The following ANO3 variants were observed in gnomAD, a reference collection of about 807,000 sequenced individuals.
The protein encoded by ANO3 is anoctamin-3.
In ANO3, 99 loss-of-function variants were observed where a neutral mutation model predicts 144.8. That is an observed-to-expected ratio of 0.68 (90% CI 0.58 to 0.81). The LOEUF is 0.81. Among genes scored for constraint, ANO3 ranks in the 30% least tolerant of loss-of-function variants. ANO3 has a pLI of 0.00. For synonymous variants in ANO3, 414 were observed against 392.6 expected (o/e 1.05, Z -0.64); for missense variants, 905 against 1,202.2 (o/e 0.75, Z 3.66).
chr11:26,585,788 C>T (rs1305765334), intron 14 of ANO3, among the ~76,000 whole-genome samples: 2 of 152,154 alleles, frequency 1.3e-5, no homozygotes, highest in Non-Finnish European at 2.9e-5. Context: ...CCTCTCAGTA[C>T]TCCAAATTTC....
At chr11:26,445,095 C>A (rs552709457) in intron 3 of ANO3, among the ~76,000 whole-genome samples, 36 of 152,264 alleles carry the variant, frequency 2.4e-4, no homozygotes, top group Non-Finnish European at 4.1e-4. Context: ...TATATACTTA[C>A]TCGCTGAGCA....
chr11:26,278,022 C>T (rs760473222), intron 1 of ANO3, among the ~76,000 whole-genome samples: 6 of 152,082 alleles, frequency 3.9e-5, no homozygotes, highest in Non-Finnish European at 7.4e-5. Flanking sequence ...GCTATTTTCA[C>T]AGCCCAGCAT....
chr11:26,293,443 C>A (rs992305476), intron 1 of ANO3, among the ~76,000 whole-genome samples: 1 of 148,074 alleles, frequency 6.8e-6, no homozygotes, highest in Non-Finnish European at 1.5e-5. Context: ...TCCAGGTTTA[C>A]ATTACTGATA....
chr11:26,606,032 G>T (rs1303911463), intron 17 of ANO3, among the ~76,000 whole-genome samples: 1 of 152,046 alleles, frequency 6.6e-6, no homozygotes, highest in East Asian at 1.9e-4. Flanking sequence ...TGATGTTAGG[G>T]TGCTGATTTT....
chr11:26,384,372 A>G (rs938358881), intron 1 of ANO3, among the ~76,000 whole-genome samples: 18 of 152,308 alleles, frequency 1.2e-4, no homozygotes, highest in Admixed American at 9.8e-4. Flanking sequence ...AAGACAGACA[A>G]AAAGCTGACA....
intron 1 of ANO3, among the ~76,000 whole-genome samples, chr11:26,365,516 C>A (rs1398047060): frequency 2.0e-5 from 3 of 152,222 alleles, no homozygotes; most frequent in African/African-American, 7.2e-5. Flanking sequence ...GGATATCCAT[C>A]CTTTCTCATA....
At chr11:26,635,909 G>T (rs1852942929) in intron 20 of ANO3, among the ~76,000 whole-genome samples, 1 of 152,166 alleles carries the variant, frequency 6.6e-6, no homozygotes, top group East Asian at 1.9e-4. Flanking sequence ...GATAAGAATA[G>T]CTATCTTGCC....
At chr11:26,512,577 A>G (rs140975322) in intron 5 of ANO3, among the ~76,000 whole-genome samples, 240 of 152,352 alleles carry the variant, frequency 1.6e-3, no homozygotes, top group African/African-American at 5.5e-3. Context: ...AAGTTATAAA[A>G]GAAGGTTATT....
At chr11:26,224,296 G>A (rs1852212063) in intron 1 of ANO3, among the ~76,000 whole-genome samples, 1 of 152,216 alleles carries the variant, frequency 6.6e-6, no homozygotes, top group African/African-American at 2.4e-5. Context: ...ACCCCACTGG[G>A]TTAATCCTAC....
At chr11:26,598,217 A>G in intron 14 of ANO3, 148 bp from the exon 15 acceptor site, 1 of 340,296 alleles carries the variant, frequency 2.9e-6, no homozygotes, top group East Asian at 5.1e-5. Flanking sequence ...ATGTATAAAC[A>G]CAGGGAGAAG....
At chr11:26,637,558 A>G (rs1307818912) in intron 20 of ANO3, among the ~76,000 whole-genome samples, 2 of 152,206 alleles carry the variant, frequency 1.3e-5, no homozygotes, top group African/African-American at 4.8e-5. Flanking sequence ...CCCGTAGCTT[A>G]ATAATTACTC....
intron 17 of ANO3, among the ~76,000 whole-genome samples, chr11:26,609,688 C>A (rs1852038532): frequency 6.6e-6 from 1 of 152,026 alleles, no homozygotes. Context: ...GTAAATTGTG[C>A]TGCAATAAAC....
At chr11:26,264,391 A>G (rs1049035778) in intron 1 of ANO3, among the ~76,000 whole-genome samples, 6 of 152,222 alleles carry the variant, frequency 3.9e-5, no homozygotes, top group African/African-American at 1.4e-4. Flanking sequence ...AGTTCAGGGA[A>G]ACACACAAGT....
chr11:26,614,478 A>G (rs143739854), intron 17 of ANO3, among the ~76,000 whole-genome samples: 1 of 152,312 alleles, frequency 6.6e-6, no homozygotes, highest in African/African-American at 2.4e-5. Context: ...ACTGATCCCC[A>G]GGGCAAGACA....
intron 1 of ANO3, among the ~76,000 whole-genome samples, chr11:26,190,236 A>G (rs1332137116): frequency 6.6e-6 from 1 of 152,190 alleles, no homozygotes; most frequent in Non-Finnish European, 1.5e-5. Context: ...TTACACAACA[A>G]GAGGATTCTT....
intron 4 of ANO3, among the ~76,000 whole-genome samples, chr11:26,486,644 C>A (rs1406728810): frequency 6.6e-6 from 1 of 152,000 alleles, no homozygotes; most frequent in Non-Finnish European, 1.5e-5. Context: ...GATTTCTTAC[C>A]CTGACATGAG....
At chr11:26,464,491 G>A (rs909322784) in intron 4 of ANO3, among the ~76,000 whole-genome samples, 3 of 151,758 alleles carry the variant, frequency 2.0e-5, no homozygotes, top group Non-Finnish European at 4.4e-5. Context: ...AATGAACTAC[G>A]ATTAAATAGT....
At chr11:26,245,018 T>TGCGCGCGCGC (rs1554928313) in intron 1 of ANO3, among the ~76,000 whole-genome samples, 25 of 145,426 alleles carry the variant, frequency 1.7e-4, no homozygotes, top group South Asian at 6.7e-4. Flanking sequence ...TGTGTGTGTG[T>TGCGCGCGCGC]GTGCATGCAT....
intron 1 of ANO3, among the ~76,000 whole-genome samples, chr11:26,430,414 A>G (rs934848951): frequency 2.6e-5 from 4 of 152,200 alleles, no homozygotes; most frequent in Non-Finnish European, 4.4e-5. Context: ...TTGAAAAAAG[A>G]AAACATAACT....
Sources: gnomAD v4.1 joint callset for allele counts (sites outside exome capture counted in the v4.1 genomes callset) on GRCh38, gnomAD v4.1.1 for gene constraint, MANE v1.5 for transcripts, NCBI Gene and HGNC (gene_info 2026-07-23, HGNC 2026-07-21) for gene names.